Variants in XPR1 observed in about 807,000 individuals in gnomAD.
The protein encoded by XPR1 is solute carrier family 53 member 1.
XPR1 carries 28 observed loss-of-function variants against 87.5 expected under a neutral mutation model. That is an observed-to-expected ratio of 0.32 (90% CI 0.24 to 0.44). The LOEUF (loss-of-function observed/expected upper bound fraction) is 0.44. Ranked by LOEUF, XPR1 falls within the 20% of genes least tolerant of loss-of-function variation. The probability of loss-of-function intolerance (pLI) is 1.00; values close to 1 mark genes in which losing one functional copy is unlikely to be tolerated. For missense variants in XPR1, 559 were observed against 862.3 expected (o/e 0.65, Z 4.41); for synonymous variants, 300 against 306.1 (o/e 0.98, Z 0.21).
intron 2 of XPR1, among the ~76,000 whole-genome samples, chr1:180,702,706 T>C (rs1657389489): frequency 6.6e-6 from 1 of 152,120 alleles, no homozygotes; most frequent in African/African-American, 2.4e-5. Flanking sequence ...CTGATTTCTT[T>C]ATATTGTTTA....
intron 10 of XPR1, among the ~76,000 whole-genome samples, chr1:180,835,335 A>C (rs1190209646): frequency 6.6e-6 from 1 of 152,228 alleles, no homozygotes; most frequent in Non-Finnish European, 1.5e-5. Flanking sequence ...AAGTGCTTTC[A>C]TGCCAGCAAT....
intron 2 of XPR1, among the ~76,000 whole-genome samples, chr1:180,724,836 GTAAATATTATAAGATGTATACAT>G (rs1658282910): frequency 6.6e-6 from 1 of 152,130 alleles, no homozygotes; most frequent in Non-Finnish European, 1.5e-5. Context: ...ATATTAATTT[GTAAATATTATAAGATGTATACAT>G]CATTGGTAAC....
chr1:180,635,865 G>C (rs1023649234), intron 1 of XPR1, among the ~76,000 whole-genome samples: 5 of 152,186 alleles, frequency 3.3e-5, no homozygotes, highest in Non-Finnish European at 7.4e-5. Flanking sequence ...GACTCATCCA[G>C]CTCTAAAATT....
At chr1:180,838,377 T>C (rs1309340980) in intron 11 of XPR1, among the ~76,000 whole-genome samples, 7 of 152,172 alleles carry the variant, frequency 4.6e-5, no homozygotes, top group Non-Finnish European at 1.0e-4. Flanking sequence ...AAAATTCATA[T>C]GTTAAGCGGA....
At chr1:180,669,747 A>G (rs989075906) in intron 1 of XPR1, among the ~76,000 whole-genome samples, 15 of 152,166 alleles carry the variant, frequency 9.9e-5, no homozygotes, top group Non-Finnish European at 1.3e-4. Flanking sequence ...ACCAAACCCT[A>G]TAGGTACTAT....
At position 180,888,919 on chromosome 1, in the gene XPR1, C is replaced by T. The variant is rs1653101006; in HGVS notation, c.*4853C>T. On this transcript the variant is annotated 3_prime_UTR_variant, in exon 15 of 15. Transcript: ENST00000367590. ...CTCTCCAAATATGAAAAAGTAAAAA[C>T]ATCTCATTAGGTTTGGAAGAGCCTA... 6.6e-6 allele frequency: 1 copy of T among 152,158 alleles called. No homozygotes were observed. Among genetic ancestry groups the T allele is most frequent in the Admixed American group, 6.5e-5 (1 of 15,272 alleles). 9.4% of individuals were successfully genotyped at this position (152,158 alleles called of 1,614,324 possible).
At chr1:180,713,209 C>G (rs1455535708) in intron 2 of XPR1, among the ~76,000 whole-genome samples, 3 of 152,038 alleles carry the variant, frequency 2.0e-5, no homozygotes, top group Non-Finnish European at 4.4e-5. Context: ...CATCTTTAAT[C>G]AGATTTATTT....
intron 2 of XPR1, among the ~76,000 whole-genome samples, chr1:180,733,905 ATCAGGCATT>A (rs1658640855): frequency 6.6e-6 from 1 of 152,208 alleles, no homozygotes; most frequent in Admixed American, 6.5e-5. Context: ...CTTCCTGTAC[ATCAGGCATT>A]TCACTAAATG....
intron 7 of XPR1, among the ~76,000 whole-genome samples, chr1:180,823,905 T>G (rs1223480471): frequency 6.6e-6 from 1 of 152,246 alleles, no homozygotes; most frequent in Non-Finnish European, 1.5e-5. Flanking sequence ...GTAAAAATAC[T>G]GAGAACAGTG....
At chr1:180,831,407 T>TTA (rs1553252346) in intron 9 of XPR1, among the ~76,000 whole-genome samples, 24 of 150,704 alleles carry the variant, frequency 1.6e-4, no homozygotes, top group Admixed American at 1.6e-3. Context: ...TTTCTTTTTT[T>TTA]TATATATACT....
chr1:180,875,311 A>C (rs1019616660), intron 13 of XPR1, among the ~76,000 whole-genome samples: 2 of 152,076 alleles, frequency 1.3e-5, no homozygotes, highest in Non-Finnish European at 2.9e-5. Context: ...GGGGTTTGAC[A>C]CTGGCCTGGG....
intron 1 of XPR1, among the ~76,000 whole-genome samples, chr1:180,643,346 A>T (rs896402654): frequency 6.6e-6 from 1 of 152,184 alleles, no homozygotes; most frequent in Non-Finnish European, 1.5e-5. Flanking sequence ...GCTATGCCAT[A>T]GTTTAATTGG....
intron 1 of XPR1, among the ~76,000 whole-genome samples, chr1:180,679,500 A>T (rs1241505144): frequency 1.3e-5 from 2 of 152,226 alleles, no homozygotes; most frequent in African/African-American, 4.8e-5. Context: ...ATCCTGCTGT[A>T]GGCCAATATG....
At chr1:180,640,485 C>T (rs1242353671) in intron 1 of XPR1, among the ~76,000 whole-genome samples, 3 of 152,166 alleles carry the variant, frequency 2.0e-5, no homozygotes, top group Admixed American at 6.5e-5. Flanking sequence ...ATTTCTATGG[C>T]GTACTGTTTT....
chr1:180,813,727 A>T (rs1167617307), intron 7 of XPR1, among the ~76,000 whole-genome samples: 1 of 152,222 alleles, frequency 6.6e-6, no homozygotes, highest in Admixed American at 6.5e-5. Context: ...AAGGACAGAT[A>T]ACCTTGGTAT....
chr1:180,714,294 A>G (rs907525008), intron 2 of XPR1, among the ~76,000 whole-genome samples: 2 of 150,352 alleles, frequency 1.3e-5, no homozygotes, highest in Admixed American at 6.6e-5. Flanking sequence ...TTAGAGATCT[A>G]TCAATTTTAC....
intron 6 of XPR1, among the ~76,000 whole-genome samples, chr1:180,809,544 T>G (rs1650134656): frequency 6.6e-6 from 1 of 152,172 alleles, no homozygotes; most frequent in South Asian, 2.1e-4. Flanking sequence ...ATACTTTAAG[T>G]ATGTGCAATT....
At chr1:180,669,887 A>C (rs1330513838) in intron 1 of XPR1, among the ~76,000 whole-genome samples, 2 of 152,198 alleles carry the variant, frequency 1.3e-5, no homozygotes, top group African/African-American at 4.8e-5. Context: ...AGTTATGTGA[A>C]TGTGGTCTCT....
At chr1:180,716,274 G>A (rs1189753168) in intron 2 of XPR1, among the ~76,000 whole-genome samples, 2 of 151,518 alleles carry the variant, frequency 1.3e-5, no homozygotes, top group African/African-American at 4.8e-5. Flanking sequence ...TCTTTTTGTA[G>A]TGATGGGTCT....
Sources: gnomAD v4.1 joint callset for allele counts (sites outside exome capture counted in the v4.1 genomes callset) on GRCh38, gnomAD v4.1.1 for gene constraint, MANE v1.5 for transcripts, NCBI Gene and HGNC (gene_info 2026-07-23, HGNC 2026-07-21) for gene names.